Variants in TTBK2 observed in about 807,000 individuals in gnomAD.
TTBK2 encodes tau tubulin kinase 2.
Under a neutral mutation model 110.8 loss-of-function variants are expected in TTBK2, and 28 were observed. The ratio of observed to expected loss-of-function variants is 0.25; its 90% CI spans 0.19 to 0.35. The LOEUF (loss-of-function observed/expected upper bound fraction) is 0.35, where lower values mean the gene tolerates loss of function less well. TTBK2 is among the 10% of genes least tolerant of loss of function. The probability of loss-of-function intolerance (pLI) is 1.00; values close to 1 mark genes in which losing one functional copy is unlikely to be tolerated. For missense variants in TTBK2, 1,369 were observed against 1,500.3 expected (o/e 0.91, Z 1.45); for synonymous variants, 532 against 527.3 (o/e 1.01, Z -0.12).
chr15:42,756,867 A>G (rs955093724), intron 13 of TTBK2, among the ~76,000 whole-genome samples: 3 of 149,652 alleles, frequency 2.0e-5, no homozygotes, highest in South Asian at 2.1e-4. Flanking sequence ...CCCCACCTCA[A>G]AAAAAACAAA....
At chr15:42,801,777 A>G (rs1180959911) in intron 9 of TTBK2, 2 of 815,814 alleles carry the variant, frequency 2.5e-6, no homozygotes, top group South Asian at 2.6e-5. Flanking sequence ...CTTTCAGGGA[A>G]GACTCCAGCT....
At chr15:42,801,737 G>A (rs1891217162) in intron 9 of TTBK2, 7 of 830,256 alleles carry the variant, frequency 8.4e-6, no homozygotes, top group African/African-American at 1.7e-5. Context: ...TCATACAGCT[G>A]CCTGAGGAAG....
intron 6 of TTBK2, among the ~76,000 whole-genome samples, chr15:42,818,345 G>A (rs1371057353): frequency 6.6e-6 from 1 of 152,158 alleles, no homozygotes; most frequent in Admixed American, 6.5e-5. Context: ...ATAGATATAG[G>A]CTCTGAGAAG....
In TTBK2 at chr15:42,914,223, G is replaced by A. The variant is rs1315737290; in HGVS notation, c.-68+6215C>T. 9.2e-5 allele frequency among the ~76,000 whole-genome samples: 14 copies of A among 152,082 alleles called. 1 individual carries two copies. In the South Asian group the frequency reaches 2.7e-3, roughly 29 times the overall value. On this transcript the variant is annotated intron_variant, in intron 1 of 14. Coordinates refer to ENST00000267890, the MANE Select transcript of TTBK2 (RefSeq NM_173500.4). ...AAACTCATGACCTCGTGATCTGCCC[G>A]CCTCAGCCTCCCAAAGTGCTAGGAT...
At chr15:42,810,443 C>A (rs74531214) in intron 9 of TTBK2, among the ~76,000 whole-genome samples, 171 bp downstream of exon 9, 1 of 152,140 alleles carries the variant, frequency 6.6e-6, no homozygotes, top group African/African-American at 2.4e-5. Context: ...ATAACACACA[C>A]GCTGACACTC....
At chr15:42,811,906 T>C in intron 7 of TTBK2, 126 bp from the exon 8 acceptor site, 2 of 674,888 alleles carry the variant, frequency 3.0e-6, no homozygotes, top group Non-Finnish European at 5.0e-6. Context: ...CCCAAAAAAT[T>C]ATATGATAAA....
intron 13 of TTBK2, among the ~76,000 whole-genome samples, chr15:42,771,757 A>G (rs1296388263): frequency 6.6e-6 from 1 of 152,064 alleles, no homozygotes; most frequent in African/African-American, 2.4e-5. Context: ...CTCGATCTCT[A>G]AGAAACAAGC....
intron 1 of TTBK2, among the ~76,000 whole-genome samples, chr15:42,883,938 C>T (rs1895147511): frequency 6.6e-6 from 1 of 151,916 alleles, no homozygotes; most frequent in African/African-American, 2.4e-5. Context: ...AAAAAGTATA[C>T]CATGCAAATA....
chr15:42,747,465 G>C (rs191134854), intron 14 of TTBK2, among the ~76,000 whole-genome samples: 2 of 152,194 alleles, frequency 1.3e-5, no homozygotes, highest in African/African-American at 4.8e-5. Flanking sequence ...ACGATGGGGG[G>C]AGGAGGGGCA....
At chr15:42,825,041 GT>G (rs1567045438) in intron 6 of TTBK2, among the ~76,000 whole-genome samples, 1 of 152,110 alleles carries the variant, frequency 6.6e-6, no homozygotes, top group East Asian at 1.9e-4. Context: ...GAGCCCAGTA[GT>G]TTGAGGCTAC....
intron 3 of TTBK2, among the ~76,000 whole-genome samples, chr15:42,869,306 C>T (rs1429751957): frequency 6.6e-6 from 1 of 151,658 alleles, no homozygotes. Flanking sequence ...CCAGACTGGT[C>T]TCAAATTCCC....
In TTBK2 at chr15:42,744,208, A is replaced by C. The variant is rs2061766278; in HGVS notation, c.*1587T>G. 6.6e-6 allele frequency: 1 copy of C among 152,210 alleles called. No homozygotes were observed. Among genetic ancestry groups the C allele is most frequent in the Non-Finnish European group, 1.5e-5 (1 of 68,042 alleles). 9.4% of individuals were successfully genotyped at this position (152,210 alleles called of 1,614,324 possible). A position where few individuals can be genotyped will look rare whatever the true frequency, so the allele number is the denominator to read the frequency against. The stretch of plus-strand genomic sequence containing the variant: ...TATAAGAGACGTTATATGCCTCAAT[A>C]GTGTTTTGAGTTTGTTTTTTTAAAA... On this transcript the variant is annotated 3_prime_UTR_variant, in exon 15 of 15. Coordinates refer to ENST00000267890, the MANE Select transcript of TTBK2 (RefSeq NM_173500.4).
In TTBK2 at chr15:42,847,938, TG is replaced by T. The variant is rs543952144; in HGVS notation, c.218-7506del. The stretch of plus-strand genomic sequence containing the variant: ...CACAATCATAGTGCACTCAAACTCC[TG>T]GGCTCTGGCAATCCTCCCATTTCAG... On this transcript the variant is annotated intron_variant, in intron 3 of 14. Transcript: ENST00000267890. 3.9e-5 allele frequency among the ~76,000 whole-genome samples: 6 copies of T among 152,328 alleles called. No individual in the cohort carries two copies. In the South Asian group the frequency reaches 1.2e-3, roughly 32 times the overall value.
chr15:42,873,239 C>T (rs1293615201), intron 2 of TTBK2, among the ~76,000 whole-genome samples: 1 of 152,162 alleles, frequency 6.6e-6, no homozygotes, highest in Non-Finnish European at 1.5e-5. Flanking sequence ...CGAGACCAGC[C>T]TGGCCAACAT....
intron 4 of TTBK2, among the ~76,000 whole-genome samples, chr15:42,832,358 G>T (rs1441911022): frequency 6.6e-6 from 1 of 152,028 alleles, no homozygotes; most frequent in African/African-American, 2.4e-5. Context: ...TACTTTAAAA[G>T]ATTTAAATAT....
At chr15:42,874,599 G>A (rs1376421536) in intron 2 of TTBK2, among the ~76,000 whole-genome samples, 1 of 151,804 alleles carries the variant, frequency 6.6e-6, no homozygotes, top group East Asian at 2.0e-4. Context: ...TTCCAGGCGT[G>A]AGCCACCACA....
intron 3 of TTBK2, among the ~76,000 whole-genome samples, chr15:42,844,091 A>G (rs1354017499): frequency 6.6e-6 from 1 of 151,728 alleles, no homozygotes; most frequent in Non-Finnish European, 1.5e-5. Flanking sequence ...CAATTATTAA[A>G]CTCTCTGCTG....
At chr15:42,919,941 G>C (rs940656451) in intron 1 of TTBK2, 10 of 400,186 alleles carry the variant, frequency 2.5e-5, no homozygotes, top group Non-Finnish European at 3.4e-5. Flanking sequence ...AAATCCCTCA[G>C]ATCATTACTT....
At chr15:42,799,151 C>T (rs1352940540) in intron 9 of TTBK2, among the ~76,000 whole-genome samples, 7 of 152,042 alleles carry the variant, frequency 4.6e-5, no homozygotes, top group Non-Finnish European at 8.8e-5. Context: ...GAGCGGATCA[C>T]GAGGTCAGGA....
Sources: gnomAD v4.1 joint callset for allele counts (sites outside exome capture counted in the v4.1 genomes callset) on GRCh38, gnomAD v4.1.1 for gene constraint, MANE v1.5 for transcripts, NCBI Gene and HGNC (gene_info 2026-07-23, HGNC 2026-07-21) for gene names.